Variants in ERICH6B observed in about 807,000 individuals in gnomAD.
ERICH6B encodes the protein glutamate-rich protein 6B.
Under a neutral mutation model 80.0 loss-of-function variants are expected in ERICH6B, and 69 were observed. The ratio of observed to expected loss-of-function variants is 0.86; its 90% CI spans 0.71 to 1.05. The LOEUF is 1.05. Among genes scored for constraint, ERICH6B ranks in the 50% least tolerant of loss-of-function variants. ERICH6B has a pLI of 0.00. For synonymous variants in ERICH6B, 283 were observed against 291.9 expected (o/e 0.97, Z 0.31); for missense variants, 754 against 796.1 (o/e 0.95, Z 0.64).
intron 11 of ERICH6B, among the ~76,000 whole-genome samples, chr13:45,554,284 A>G (rs1373862341): frequency 6.6e-6 from 1 of 152,200 alleles, no homozygotes; most frequent in Non-Finnish European, 1.5e-5. Context: ...ATGTTCTCAC[A>G]AATGATAGGA....
chr13:45,559,576 G>T (rs1419540647), intron 11 of ERICH6B, among the ~76,000 whole-genome samples: 1 of 151,840 alleles, frequency 6.6e-6, no homozygotes, highest in Non-Finnish European at 1.5e-5. Context: ...GTATCCCAGA[G>T]GTTTCGTTAG....
At chr13:45,565,481 A>G (rs758014175) in intron 9 of ERICH6B, among the ~76,000 whole-genome samples, 13 of 152,136 alleles carry the variant, frequency 8.5e-5, no homozygotes, top group Non-Finnish European at 1.3e-4. Flanking sequence ...ATATAGTTTG[A>G]CTGTCTTGCC....
intron 2 of ERICH6B, among the ~76,000 whole-genome samples, chr13:45,602,148 G>C (rs1949831069): frequency 6.6e-6 from 1 of 152,198 alleles, no homozygotes; most frequent in South Asian, 2.1e-4. Flanking sequence ...GGGTCCGTCT[G>C]TCCTTCATTC....
intron 4 of ERICH6B, among the ~76,000 whole-genome samples, chr13:45,587,593 G>C (rs1316876667): frequency 6.6e-6 from 1 of 152,230 alleles, no homozygotes; most frequent in Non-Finnish European, 1.5e-5. Flanking sequence ...GTTTTGGGCA[G>C]AGTGGAAAAG....
At position 45,548,269 on chromosome 13, in the gene ERICH6B, A is replaced by T. The variant is rs1358376502; in HGVS notation, c.1646+1624T>A. Among the ~76,000 whole-genome samples, 3 of 152,232 alleles carry T rather than the reference A, an allele frequency of 2.0e-5. No individual in the cohort carries two copies. The East Asian group carries it at 5.8e-4, about 29-fold the overall frequency. On this transcript the variant is annotated intron_variant, in intron 13 of 14. Coordinates refer to ENST00000298738, the MANE Select transcript of ERICH6B (RefSeq NM_182542.3). The stretch of plus-strand genomic sequence containing the variant: ...CTTGGCTATAAGTCCCTCCCAGTGC[A>T]CAAGGCACCATGGAGAAGTCCTGTT...
chr13:45,549,703 G>T (rs1874133888), intron 13 of ERICH6B, among the ~76,000 whole-genome samples, 190 bp downstream of exon 13: 1 of 152,212 alleles, frequency 6.6e-6, no homozygotes, highest in Admixed American at 6.5e-5. Context: ...AGGAGCAACG[G>T]TGCAGGAAGA....
chr13:45,594,422 G>A (rs559474032), intron 3 of ERICH6B, among the ~76,000 whole-genome samples: 67 of 152,178 alleles, frequency 4.4e-4, no homozygotes, highest in Non-Finnish European at 7.9e-4. Flanking sequence ...CACATAGAGG[G>A]GACATGTTAA....
intron 11 of ERICH6B, among the ~76,000 whole-genome samples, chr13:45,555,841 A>T (rs1448941431): frequency 1.3e-5 from 2 of 151,862 alleles, no homozygotes. Flanking sequence ...AGATGAATAC[A>T]GCTTTGTGTC....
intron 2 of ERICH6B, among the ~76,000 whole-genome samples, chr13:45,604,504 T>C (rs1386860536): frequency 1.3e-5 from 2 of 152,128 alleles, no homozygotes; most frequent in East Asian, 3.9e-4. Context: ...AGCCCTGATG[T>C]GGGCATCATC....
chr13:45,588,487 T>C (rs560911780), intron 4 of ERICH6B, among the ~76,000 whole-genome samples: 103 of 152,200 alleles, frequency 6.8e-4, no homozygotes, highest in Non-Finnish European at 1.3e-3. Flanking sequence ...ACTCTTGCCC[T>C]GCTCCAGGCC....
chr13:45,562,080 T>C lies in ERICH6B; in HGVS notation c.1250-554A>G, dbSNP rs189889094. Among the ~76,000 whole-genome samples the C allele has an allele frequency of 2.1e-4, 32 of 152,360 alleles. No individual in the cohort carries two copies. The East Asian group carries it at 6.0e-3, about 28-fold the overall frequency. ...ACCAATGACTGATTGACTGATTGAC[T>C]GAGACAGAATCTTGCTCTGTCGCCC... On this transcript the variant is annotated intron_variant, in intron 10 of 14. Transcript: ENST00000298738.
intron 4 of ERICH6B, among the ~76,000 whole-genome samples, chr13:45,590,409 C>T (rs1203930377): frequency 6.6e-6 from 1 of 152,108 alleles, no homozygotes; most frequent in Non-Finnish European, 1.5e-5. Flanking sequence ...CAGACGACCT[C>T]TGCCCCTTTC....
At chr13:45,603,382 CT>C (rs1949838137) in intron 2 of ERICH6B, among the ~76,000 whole-genome samples, 1 of 152,228 alleles carries the variant, frequency 6.6e-6, no homozygotes, top group South Asian at 2.1e-4. Flanking sequence ...CAGGTCTATT[CT>C]TCACAGAGTC....
At chr13:45,572,360 T>A (rs1875208032) in intron 8 of ERICH6B, among the ~76,000 whole-genome samples, 1 of 152,182 alleles carries the variant, frequency 6.6e-6, no homozygotes. Context: ...CAATTCATCA[T>A]CCACAAAGCC....
intron 6 of ERICH6B, among the ~76,000 whole-genome samples, chr13:45,580,298 C>T (rs1234991557): frequency 6.6e-6 from 1 of 152,186 alleles, no homozygotes; most frequent in African/African-American, 2.4e-5. Flanking sequence ...AATGTCATTG[C>T]ATGAACTAAG....
At chr13:45,551,599 T>C (rs1028972091) in intron 11 of ERICH6B, 2 of 152,218 alleles carry the variant, frequency 1.3e-5, no homozygotes, top group Non-Finnish European at 2.9e-5. Context: ...GATATGGCTG[T>C]AGATTTTTAA....
chr13:45,546,121 A>G (rs1030158496), intron 13 of ERICH6B, among the ~76,000 whole-genome samples: 1 of 152,190 alleles, frequency 6.6e-6, no homozygotes, highest in African/African-American at 2.4e-5. Flanking sequence ...CAGGGCACCC[A>G]TATTGATAGG....
Position 45,587,227 on chromosome 13 carries a change from G to A in ERICH6B, c.692C>T (p.Pro231Leu). 6.4e-7 allele frequency: 1 copy of A among 1,551,552 alleles called. No homozygotes were observed. ...QTMLLRDARSPDAGPSQVTTF... is the reference protein window; with the variant it reads ...QTMLLRDARSLDAGPSQVTTF... Reference sequence around the variant, plus strand: ...GGTCACCTGAGAGGGGCCAGCGTCTGGACTCCTGTCAGAGGGGAGAACAGG... The same window carrying A: ...GGTCACCTGAGAGGGGCCAGCGTCTAGACTCCTGTCAGAGGGGAGAACAGG... Residue 231 changes from proline to leucine, a missense_variant, in exon 5 of 15, where the codon CCA becomes CTA. Coordinates refer to ENST00000298738, the MANE Select transcript of ERICH6B (RefSeq NM_182542.3).
At chr13:45,606,558 T>G (rs1451578390) in intron 2 of ERICH6B, among the ~76,000 whole-genome samples, 2 of 103,560 alleles carry the variant, frequency 1.9e-5, no homozygotes, top group African/African-American at 7.6e-5. Context: ...TTTTTTTTTT[T>G]TTTTTTTTTT....
Sources: gnomAD v4.1 joint callset for allele counts (sites outside exome capture counted in the v4.1 genomes callset) on GRCh38, gnomAD v4.1.1 for gene constraint, MANE v1.5 for transcripts, NCBI Gene and HGNC (gene_info 2026-07-23, HGNC 2026-07-21) for gene names.